CRPPA: variants seen among roughly 807,000 people sequenced by gnomAD.
CRPPA encodes the protein D-ribitol-5-phosphate cytidylyltransferase.
In CRPPA, 43 loss-of-function variants were observed where a neutral mutation model predicts 52.0. The observed-to-expected ratio is 0.83, with a 90% CI of 0.65 to 1.07. The LOEUF (loss-of-function observed/expected upper bound fraction) is 1.07. Among genes scored for constraint, CRPPA ranks in the 50% least tolerant of loss-of-function variants. CRPPA has a pLI of 0.00. For missense variants in CRPPA, 629 were observed against 551.7 expected (o/e 1.14, Z -1.40); for synonymous variants, 250 against 203.5 (o/e 1.23, Z -1.94).
chr7:16,317,654 A>G (rs1462600505), intron 3 of CRPPA, among the ~76,000 whole-genome samples: 2 of 152,190 alleles, frequency 1.3e-5, no homozygotes, highest in African/African-American at 4.8e-5. Context: ...CTATTCATCA[A>G]TGGACACAGG....
At chr7:16,138,370 CT>C (rs1317431285) in intron 9 of CRPPA, among the ~76,000 whole-genome samples, 7 of 152,126 alleles carry the variant, frequency 4.6e-5, no homozygotes, top group Admixed American at 3.9e-4. Context: ...CTAAAATTAT[CT>C]TTTAGTATGG....
chr7:16,257,000 CA>C (rs891646643), intron 8 of CRPPA, among the ~76,000 whole-genome samples: 1 of 151,904 alleles, frequency 6.6e-6, no homozygotes, highest in East Asian at 1.9e-4. Context: ...CATCCAAAGA[CA>C]AAAAAAGAGG....
chr7:16,301,830 A>G (rs373329265), intron 4 of CRPPA, among the ~76,000 whole-genome samples: 2 of 152,226 alleles, frequency 1.3e-5, no homozygotes, highest in Non-Finnish European at 2.9e-5. Flanking sequence ...AAGTCTCTGT[A>G]TAACAAAAAA....
intron 1 of CRPPA, among the ~76,000 whole-genome samples, chr7:16,412,695 T>C (rs1788100338): frequency 6.6e-6 from 1 of 152,188 alleles, no homozygotes; most frequent in Admixed American, 6.5e-5. Context: ...ACCGATCAAA[T>C]ATTTGCTGAA....
intron 2 of CRPPA, among the ~76,000 whole-genome samples, chr7:16,393,369 T>C (rs1262816801): frequency 6.6e-6 from 1 of 152,074 alleles, no homozygotes; most frequent in African/African-American, 2.4e-5. Context: ...GCTGTCTCAA[T>C]AGTGACTAAG....
chr7:16,314,846 T>G (rs1785110048), intron 3 of CRPPA, among the ~76,000 whole-genome samples: 1 of 152,148 alleles, frequency 6.6e-6, no homozygotes. Context: ...TTGAGTATAA[T>G]ATGCTTAGGT....
intron 9 of CRPPA, among the ~76,000 whole-genome samples, chr7:16,116,714 G>A (rs369987186): frequency 1.3e-5 from 2 of 150,486 alleles, no homozygotes; most frequent in African/African-American, 2.4e-5. Flanking sequence ...GAGAGAGAGA[G>A]AGAAACAAAC....
intron 4 of CRPPA, among the ~76,000 whole-genome samples, chr7:16,304,617 G>C (rs1784868048): frequency 6.6e-6 from 1 of 151,804 alleles, no homozygotes; most frequent in Non-Finnish European, 1.5e-5. Context: ...CTCCAGCCTG[G>C]GTGACAGAGC....
rs1013499735 is a variant in CRPPA, at chr7:16,132,302, T to A, written c.1252-40503A>T. Among the ~76,000 whole-genome samples, 6 of 125,158 alleles carry A rather than the reference T, an allele frequency of 4.8e-5. 2 individuals are homozygous for A. Among genetic ancestry groups the A allele is most frequent in the Admixed American group, 8.1e-5 (1 of 12,406 alleles). The allele number at this position is 125,158 out of a possible 152,430, so 82.1% of individuals were successfully genotyped here. On this transcript the variant is annotated intron_variant, in intron 9 of 9. Transcript: ENST00000407010. The stretch of plus-strand genomic sequence containing the variant: ...AACATTATTGTATTTTGGAAACATA[T>A]AACATGTTTGTTTCACAGGTTCCCA...
chr7:16,318,016 T>C lies in CRPPA; in HGVS notation c.685-9389A>G, dbSNP rs1189721573. Among the ~76,000 whole-genome samples, 4 of 152,282 alleles carry C rather than the reference T, an allele frequency of 2.6e-5. No individual in the cohort carries two copies. The East Asian group carries it at 7.7e-4, about 29-fold the overall frequency. Reference sequence around the variant, plus strand: ...ATCAACCTGGAAACTTGGCTTTACTTCTCTCATGGCTCCTCTGGAATTTTC... The same window carrying C: ...ATCAACCTGGAAACTTGGCTTTACTCCTCTCATGGCTCCTCTGGAATTTTC... On this transcript the variant is annotated intron_variant, in intron 3 of 9. Transcript: ENST00000407010.
chr7:16,208,753 G>A (rs759178714), intron 9 of CRPPA, among the ~76,000 whole-genome samples: 1 of 152,172 alleles, frequency 6.6e-6, no homozygotes, highest in Non-Finnish European at 1.5e-5. Context: ...GGGTAATTTT[G>A]AAGGATATCA....
At chr7:16,255,196 T>C (rs1783602998) in intron 8 of CRPPA, among the ~76,000 whole-genome samples, 1 of 152,078 alleles carries the variant, frequency 6.6e-6, no homozygotes, top group Non-Finnish European at 1.5e-5. Context: ...TCACAATTGC[T>C]ACAAAGAGAA....
chr7:16,403,992 T>C lies in CRPPA; in HGVS notation c.534+2069A>G, dbSNP rs1787891324. On this transcript the variant is annotated intron_variant, in intron 2 of 9. Coordinates refer to ENST00000407010, the MANE Select transcript of CRPPA (RefSeq NM_001101426.4). ...TAAAAAAGCCAGTTTTCTGTTTTAA[T>C]TCACTTCAACATACCTTTTTACTTT... is the stretch of plus-strand genomic sequence containing the variant. Among the ~76,000 whole-genome samples the C allele has an allele frequency of 3.3e-5, 5 of 152,318 alleles. 1 individual carries two copies. In the South Asian group the frequency reaches 1.0e-3, roughly 32 times the overall value.
chr7:16,201,367 G>A (rs80148995), intron 9 of CRPPA, among the ~76,000 whole-genome samples: 5,424 of 152,116 alleles, frequency 0.036, 327 homozygotes, highest in East Asian at 0.3. Flanking sequence ...AACCTCCATC[G>A]CAGTCTTACT....
Position 16,169,110 on chromosome 7 carries a change from G to T in CRPPA, c.1251+46956C>A, listed in dbSNP as rs191464846. On this transcript the variant is annotated intron_variant, in intron 9 of 9. Coordinates refer to ENST00000407010, the MANE Select transcript of CRPPA (RefSeq NM_001101426.4). ...CTGGCAGAATTGAAACATCACACCT[G>T]TCTTACATAAATAAAAAATATCATG... 3.3e-4 allele frequency among the ~76,000 whole-genome samples: 50 copies of T among 152,230 alleles called. 1 individual carries two copies. The highest frequency in any genetic ancestry group is 3.1e-3 in the Admixed American group (47 of 15,288).
At chr7:16,297,420 G>C (rs543520054) in intron 5 of CRPPA, among the ~76,000 whole-genome samples, 1 of 152,274 alleles carries the variant, frequency 6.6e-6, no homozygotes, top group South Asian at 2.1e-4. Flanking sequence ...GCATGTGTCA[G>C]GAGCAGGGAG....
chr7:16,275,132 C>T lies in CRPPA; in HGVS notation c.933+2997G>A, dbSNP rs1295130. ...TTGGCAGCACATATAAAGACACACA[C>T]AGTTTAAGAAACTGTAGAAAAAAAT... On this transcript the variant is annotated intron_variant, in intron 6 of 9. Coordinates refer to ENST00000407010, the MANE Select transcript of CRPPA (RefSeq NM_001101426.4). 4.6e-3 allele frequency among the ~76,000 whole-genome samples: 697 copies of T among 152,056 alleles called. 4 individuals are homozygous for T. Among genetic ancestry groups the T allele is most frequent in the African/African-American group, 0.015 (634 of 41,480 alleles).
Position 16,091,445 on chromosome 7 carries a change from G to C in CRPPA, c.*250C>G. The stretch of plus-strand genomic sequence containing the variant: ...TCTCTGTGGAAAGATTCATTTGAAG[G>C]CTATTATTTTCCACTTATCTACTAT... On this transcript the variant is annotated 3_prime_UTR_variant, in exon 10 of 10. Transcript: ENST00000407010. 2.9e-6 allele frequency: 1 copy of C among 340,434 alleles called. No homozygotes were observed. Among genetic ancestry groups the C allele is most frequent in the Admixed American group, 5.3e-5 (1 of 18,756 alleles). The allele number at this position is 340,434 out of a possible 1,614,324, so 21.1% of individuals were successfully genotyped here.
intron 9 of CRPPA, among the ~76,000 whole-genome samples, chr7:16,118,144 C>T (rs1431692183): frequency 1.3e-5 from 2 of 152,192 alleles, no homozygotes; most frequent in Non-Finnish European, 2.9e-5. Flanking sequence ...TCCATGCCAA[C>T]CACTGTTCTA....
Sources: allele counts gnomAD v4.1 joint callset (sites outside exome capture counted in the v4.1 genomes callset), GRCh38; gene constraint gnomAD v4.1.1; transcripts MANE v1.5; gene names NCBI Gene and HGNC (gene_info 2026-07-23, HGNC 2026-07-21).